The following GLRA1 variants were observed in gnomAD, a reference collection of about 807,000 sequenced individuals.
The protein encoded by GLRA1 is glycine receptor alpha 1, also known as glycine receptor subunit alpha-1.
GLRA1 carries 37 observed loss-of-function variants against 48.3 expected under a neutral mutation model. The ratio of observed to expected loss-of-function variants is 0.77; its 90% CI spans 0.59 to 1.01. The LOEUF is 1.01. Ranked by LOEUF, GLRA1 falls within the 50% of genes least tolerant of loss-of-function variation. The probability of loss-of-function intolerance (pLI) is 0.00; values close to 1 mark genes in which losing one functional copy is unlikely to be tolerated. For missense variants in GLRA1, 427 were observed against 571.0 expected (o/e 0.75, Z 2.57); for synonymous variants, 196 against 210.7 (o/e 0.93, Z 0.60).
intron 2 of GLRA1, 74 bp downstream of exon 2, chr5:151,892,237 G>C: frequency 7.5e-7 from 1 of 1,334,702 alleles, no homozygotes; most frequent in Non-Finnish European, 1.1e-6. Flanking sequence ...CCATCTGCGT[G>C]CATTACCATG....
chr5:151,829,817 A>C (rs988958166), intron 7 of GLRA1, among the ~76,000 whole-genome samples: 8 of 152,232 alleles, frequency 5.3e-5, no homozygotes, highest in African/African-American at 1.7e-4. Context: ...TGAATGAAAT[A>C]ATGCAATATG....
intron 8 of GLRA1, among the ~76,000 whole-genome samples, chr5:151,827,640 G>A (rs529788130): frequency 6.6e-6 from 1 of 152,146 alleles, no homozygotes; most frequent in Non-Finnish European, 1.5e-5. Flanking sequence ...AGCACATTGC[G>A]CCTGGGCAGA....
At chr5:151,828,406 C>A (rs1763334085) in intron 8 of GLRA1, among the ~76,000 whole-genome samples, 1 of 152,156 alleles carries the variant, frequency 6.6e-6, no homozygotes. Flanking sequence ...GTCAAATATT[C>A]CTTTATTCAA....
At chr5:151,848,483 C>T (rs1469460395) in intron 7 of GLRA1, among the ~76,000 whole-genome samples, 1 of 152,182 alleles carries the variant, frequency 6.6e-6, no homozygotes, top group Non-Finnish European at 1.5e-5. Context: ...TCTCCTACCT[C>T]AGCCTCCTGA....
chr5:151,901,631 GT>G (rs1581656838), intron 1 of GLRA1, among the ~76,000 whole-genome samples: 1 of 152,314 alleles, frequency 6.6e-6, no homozygotes, highest in East Asian at 1.9e-4. Flanking sequence ...TGGACAGAAA[GT>G]TTTGGGGAAA....
At chr5:151,853,412 A>ATT (rs57264480) in intron 6 of GLRA1, among the ~76,000 whole-genome samples, 50,780 of 140,634 alleles carry the variant, frequency 0.36, 9,195 homozygotes, top group South Asian at 0.45. Context: ...TGCCCAACTA[A>ATT]TTTTTTTTTT....
chr5:151,882,578 A>G (rs972319357), intron 3 of GLRA1, among the ~76,000 whole-genome samples: 1 of 152,192 alleles, frequency 6.6e-6, no homozygotes, highest in African/African-American at 2.4e-5. Flanking sequence ...AGGGAGGGGA[A>G]TCTTTGAGCA....
At chr5:151,906,946 A>C (rs149938754) in intron 1 of GLRA1, among the ~76,000 whole-genome samples, 3 of 152,188 alleles carry the variant, frequency 2.0e-5, no homozygotes. Flanking sequence ...GAATATTTAG[A>C]CCATTAGAGC....
chr5:151,886,250 T>C (rs556051906), intron 3 of GLRA1, among the ~76,000 whole-genome samples: 9 of 152,280 alleles, frequency 5.9e-5, no homozygotes, highest in South Asian at 2.1e-4. Context: ...GTATTTTTTT[T>C]CCTAGGCATT....
At position 151,903,125 on chromosome 5, in the gene GLRA1, A is replaced by G. The variant is rs79450870; in HGVS notation, c.57-10687T>C. On this transcript the variant is annotated intron_variant, in intron 1 of 8. Transcript: ENST00000274576. ...CCATAGGAAATGCATCAGCAAAACTATAGTATTTATTCCAGAGAAAACAGA... is the reference window on the plus strand; with the variant it reads ...CCATAGGAAATGCATCAGCAAAACTGTAGTATTTATTCCAGAGAAAACAGA... Among the ~76,000 whole-genome samples, 1,332 of 152,318 alleles carry G rather than the reference A, an allele frequency of 8.7e-3. 19 individuals carry two copies. The highest frequency in any genetic ancestry group is 0.031 in the African/African-American group (1,281 of 41,572).
intron 3 of GLRA1, among the ~76,000 whole-genome samples, chr5:151,861,713 C>CA (rs1753209744): frequency 6.6e-6 from 1 of 152,082 alleles, no homozygotes; most frequent in African/African-American, 2.4e-5. Context: ...CCTAGGAATC[C>CA]AACTTACAAG....
intron 3 of GLRA1, 39 bp from the exon 4 acceptor site, chr5:151,860,047 C>T (rs1753154882): frequency 6.7e-7 from 1 of 1,494,460 alleles, no homozygotes; most frequent in Non-Finnish European, 9.3e-7. Context: ...CAATGTTAGG[C>T]CCAAGGACAT....
chr5:151,924,450 C>G (rs1366251088), intron 1 of GLRA1, 44 bp downstream of exon 1: 1 of 1,208,258 alleles, frequency 8.3e-7, no homozygotes, highest in East Asian at 2.3e-5. Flanking sequence ...TACTCTTTCC[C>G]CCCATTTCCA....
chr5:151,858,761 C>T (rs1561559735), intron 4 of GLRA1, among the ~76,000 whole-genome samples: 2 of 131,626 alleles, frequency 1.5e-5, no homozygotes, highest in Non-Finnish European at 3.3e-5. Flanking sequence ...AGTTAAGGCT[C>T]ATCACCCAAA....
At chr5:151,879,069 G>A (rs1457714141) in intron 3 of GLRA1, among the ~76,000 whole-genome samples, 1 of 152,248 alleles carries the variant, frequency 6.6e-6, no homozygotes, top group Non-Finnish European at 1.5e-5. Context: ...AAGCAGCCAG[G>A]AGGGAGGCTC....
chr5:151,827,558 G>T (rs2113286862), intron 8 of GLRA1, among the ~76,000 whole-genome samples: 1 of 152,250 alleles, frequency 6.6e-6, no homozygotes, highest in Admixed American at 6.5e-5. Context: ...TGCACATGAA[G>T]AACCTGGGCC....
At chr5:151,909,320 T>C (rs1754552567) in intron 1 of GLRA1, among the ~76,000 whole-genome samples, 1 of 152,206 alleles carries the variant, frequency 6.6e-6, no homozygotes, top group South Asian at 2.1e-4. Flanking sequence ...GTGCACTTTT[T>C]ACCCAAAGGC....
chr5:151,850,764 C>T (rs1025990788), intron 7 of GLRA1: 69 of 1,005,866 alleles, frequency 6.9e-5, no homozygotes, highest in Non-Finnish European at 8.9e-5. Flanking sequence ...TCAATGAAAC[C>T]GGCAATGAGC....
intron 8 of GLRA1, among the ~76,000 whole-genome samples, chr5:151,827,265 C>T (rs1763298454): frequency 6.6e-6 from 1 of 151,412 alleles, no homozygotes; most frequent in East Asian, 1.9e-4. Context: ...TTCTATCTGG[C>T]TTGCTGAACC....
Sources: gnomAD v4.1 joint callset for allele counts (sites outside exome capture counted in the v4.1 genomes callset) on GRCh38, gnomAD v4.1.1 for gene constraint, MANE v1.5 for transcripts, NCBI Gene and HGNC (gene_info 2026-07-23, HGNC 2026-07-21) for gene names.